ZNF33A: variants seen among roughly 807,000 people sequenced by gnomAD.
The protein encoded by ZNF33A is brain my041 protein.
A neutral mutation model predicts 15.9 loss-of-function variants in ZNF33A; 9 were observed. The observed-to-expected ratio is 0.57, with a 90% CI of 0.34 to 0.99. ZNF33A has a LOEUF of 0.99. ZNF33A is among the 50% of genes least tolerant of loss of function. ZNF33A has a pLI of 0.02. For missense variants in ZNF33A, 843 were observed against 941.6 expected, an observed-to-expected ratio of 0.90 and a Z score of 1.37; for synonymous variants, 294 against 324.2, an observed-to-expected ratio of 0.91 and a Z score of 1.00.
chr10:38,053,548 A>C (rs960921034), intron 4 of ZNF33A, among the ~76,000 whole-genome samples: 3 of 152,180 alleles, frequency 2.0e-5, no homozygotes, highest in Non-Finnish European at 4.4e-5. Context: ...TTTAACATAC[A>C]CATTTTTGGG....
downstream of ZNF33A, among the ~76,000 whole-genome samples, chr10:38,060,826 G>T (rs1231835964): frequency 2.0e-5 from 3 of 152,204 alleles, no homozygotes; most frequent in African/African-American, 7.2e-5. Context: ...TTTGCACTTG[G>T]CCTGTGCTGT....
intron 4 of ZNF33A, among the ~76,000 whole-genome samples, chr10:38,049,020 A>T (rs1258895148): frequency 2.0e-5 from 3 of 152,148 alleles, no homozygotes; most frequent in Non-Finnish European, 4.4e-5. Flanking sequence ...CACATTCTTG[A>T]TTATAAAGCA....
At chr10:38,024,472 C>T (rs180748258) in intron 4 of ZNF33A, among the ~76,000 whole-genome samples, 95 of 152,234 alleles carry the variant, frequency 6.2e-4, no homozygotes, top group African/African-American at 2.2e-3. Context: ...GTAAGTATGC[C>T]AGTTCTCTCC....
At chr10:38,028,195 G>C (rs1208740055) in intron 4 of ZNF33A, among the ~76,000 whole-genome samples, 1 of 152,060 alleles carries the variant, frequency 6.6e-6, no homozygotes, top group Non-Finnish European at 1.5e-5. Context: ...TTGAGCCCAG[G>C]AAGTCAAGGC....
intron 1 of ZNF33A, among the ~76,000 whole-genome samples, chr10:38,011,125 G>A (rs1242087417): frequency 2.0e-5 from 3 of 152,242 alleles, no homozygotes; most frequent in Non-Finnish European, 1.5e-5. Context: ...CGTGGGCGGG[G>A]AAAGGCGGGT....
At chr10:38,062,778 C>A (rs2505221), downstream of ZNF33A, among the ~76,000 whole-genome samples, 22 of 151,540 alleles carry the variant, frequency 1.5e-4, no homozygotes, top group East Asian at 4.3e-3. Context: ...CCGAGGTGGG[C>A]GGATCACGAG....
At chr10:38,043,530 A>AC (rs2065809579) in intron 4 of ZNF33A, among the ~76,000 whole-genome samples, 1 of 151,656 alleles carries the variant, frequency 6.6e-6, no homozygotes, top group South Asian at 2.1e-4. Context: ...TAGCTGTGTG[A>AC]CCCCAGGTCA....
At chr10:38,016,118 T>C (rs1413255567) in intron 2 of ZNF33A, 1 of 810,640 alleles carries the variant, frequency 1.2e-6, no homozygotes, top group Non-Finnish European at 1.7e-6. Flanking sequence ...ATTAAAGGAT[T>C]AGAACCCAGA....
chr10:38,031,962 A>G (rs2065232001), intron 4 of ZNF33A, among the ~76,000 whole-genome samples: 1 of 152,168 alleles, frequency 6.6e-6, no homozygotes, highest in African/African-American at 2.4e-5. Context: ...ATTCCATCTT[A>G]CAAAATAAAA....
At chr10:38,037,115 G>T (rs1237009433) in intron 4 of ZNF33A, among the ~76,000 whole-genome samples, 1 of 151,996 alleles carries the variant, frequency 6.6e-6, no homozygotes, top group East Asian at 1.9e-4. Context: ...TTTGTTGCTT[G>T]TATTTTTGGT....
At chr10:38,064,498 T>C (rs1195365937), downstream of ZNF33A, 2 of 209,756 alleles carry the variant, frequency 9.5e-6, no homozygotes, top group Non-Finnish European at 1.9e-5. Context: ...AAGATTCAAG[T>C]TTTATCCGAT....
chr10:38,056,733 A>G lies in ZNF33A; in HGVS notation c.*173A>G. ...TTTTGAATTTGTGAAAGTTTTTGGC[A>G]AAAATGCAAATAAGGTTATGTTAGA... On this transcript the variant is annotated 3_prime_UTR_variant, in exon 5 of 5. Transcript: ENST00000432900. 2.4e-6 allele frequency: 3 copies of G among 1,250,738 alleles called. No homozygotes were observed. The highest frequency in any genetic ancestry group is 3.0e-6 in the Non-Finnish European group (3 of 998,162). 77.5% of individuals were successfully genotyped at this position (1,250,738 alleles called of 1,614,324 possible). A position where few individuals can be genotyped will look rare whatever the true frequency, so the allele number is the denominator to read the frequency against.
chr10:38,066,574 T>G (rs1475426230), downstream of ZNF33A, among the ~76,000 whole-genome samples: 1 of 151,714 alleles, frequency 6.6e-6, no homozygotes, highest in Non-Finnish European at 1.5e-5. Context: ...ATATCCATTA[T>G]TCCACTCAAA....
At chr10:38,035,467 T>C (rs2065406751) in intron 4 of ZNF33A, among the ~76,000 whole-genome samples, 1 of 152,172 alleles carries the variant, frequency 6.6e-6, no homozygotes, top group Non-Finnish European at 1.5e-5. Flanking sequence ...TGTATGGCAC[T>C]GTCAGAATTG....
Position 38,012,350 on chromosome 10 carries a change from G to A in ZNF33A, c.9G>A (p.Lys3=), listed in dbSNP as rs1254214932. 6.2e-7 allele frequency: 1 copy of A among 1,612,760 alleles called. No homozygotes were observed. Residue 3 remains lysine, a splice_region_variant and synonymous_variant, in exon 2 of 5, where the codon AAG becomes AAA. Coordinates refer to ENST00000432900, the MANE Select transcript of ZNF33A (RefSeq NM_006954.2). ...TCCAAGAACAGAACAAAATGAACAAGGTAAGTTGTTTATTAATTCCCTACT... is the reference window on the plus strand; with the variant it reads ...TCCAAGAACAGAACAAAATGAACAAAGTAAGTTGTTTATTAATTCCCTACT... MN[K]VEQKSQESVS...
intron 2 of ZNF33A, among the ~76,000 whole-genome samples, chr10:38,014,167 A>C (rs980005328): frequency 6.3e-5 from 9 of 143,298 alleles, no homozygotes; most frequent in Middle Eastern, 3.8e-3. Context: ...TAAGTCTCCC[A>C]AGTAGCTGAA....
intron 4 of ZNF33A, among the ~76,000 whole-genome samples, chr10:38,037,796 A>C (rs974362608): frequency 6.6e-6 from 1 of 152,324 alleles, no homozygotes; most frequent in Non-Finnish European, 1.5e-5. Context: ...TTTCAAATTG[A>C]GAAGTGTATG....
intron 4 of ZNF33A, chr10:38,043,990 T>A (rs572705865): frequency 6.6e-6 from 1 of 152,274 alleles, no homozygotes; most frequent in South Asian, 2.1e-4. Context: ...ATTCATTTGT[T>A]TGAATATTTT....
At chr10:38,016,463 G>A (rs1381989841) in intron 2 of ZNF33A, among the ~76,000 whole-genome samples, 5 of 152,118 alleles carry the variant, frequency 3.3e-5, no homozygotes, top group East Asian at 1.9e-4. Context: ...TATGAAGAAC[G>A]TAATAGAGTG....
Sources: allele counts gnomAD v4.1 joint callset (sites outside exome capture counted in the v4.1 genomes callset), GRCh38; gene constraint gnomAD v4.1.1; transcripts MANE v1.5; gene names NCBI Gene and HGNC (gene_info 2026-07-23, HGNC 2026-07-21).